Variants in KCNK2 observed in about 807,000 individuals in gnomAD.
The protein encoded by KCNK2 is potassium two pore domain channel subfamily K member 2, also known as potassium channel subfamily K member 2.
In KCNK2, 21 loss-of-function variants were observed where a neutral mutation model predicts 40.5. The ratio of observed to expected loss-of-function variants is 0.52; its 90% CI spans 0.37 to 0.75. KCNK2 has a LOEUF of 0.75. Ranked by LOEUF, KCNK2 falls within the 30% of genes least tolerant of loss-of-function variation. The probability of loss-of-function intolerance (pLI) is 0.00; values close to 1 mark genes in which losing one functional copy is unlikely to be tolerated. For missense variants in KCNK2, 399 were observed against 531.6 expected (o/e 0.75, Z 2.45); for synonymous variants, 191 against 202.2 (o/e 0.94, Z 0.47).
chr1:215,028,385 C>G (rs879603026), intron 1 of KCNK2, among the ~76,000 whole-genome samples: 5 of 151,346 alleles, frequency 3.3e-5, no homozygotes, highest in Non-Finnish European at 5.9e-5. Context: ...AACTCCATCT[C>G]AAAAAATAAA....
intron 6 of KCNK2, among the ~76,000 whole-genome samples, chr1:215,230,815 T>A (rs1666631766): frequency 6.6e-6 from 1 of 151,824 alleles, no homozygotes; most frequent in Non-Finnish European, 1.5e-5. Flanking sequence ...CTTTTATGAT[T>A]TGCAGAGTTT....
At chr1:215,097,552 A>G (rs1652534085) in intron 2 of KCNK2, among the ~76,000 whole-genome samples, 1 of 151,830 alleles carries the variant, frequency 6.6e-6, no homozygotes, top group Non-Finnish European at 1.5e-5. Context: ...GTCCTCTGCT[A>G]CCTTTGTGAG....
chr1:215,007,087 GTA>G (rs201749435), intron 1 of KCNK2, among the ~76,000 whole-genome samples: 10,307 of 118,892 alleles, frequency 0.087, 746 homozygotes, highest in Non-Finnish European at 0.096. Flanking sequence ...ATATATGTGT[GTA>G]TATATATATG....
chr1:215,204,410 A>G (rs1207190676), intron 6 of KCNK2, among the ~76,000 whole-genome samples: 1 of 152,070 alleles, frequency 6.6e-6, no homozygotes, highest in East Asian at 1.9e-4. Context: ...ATAATAGGAA[A>G]ATAAGTTAAT....
At chr1:215,126,075 A>G (rs1191762477) in intron 3 of KCNK2, among the ~76,000 whole-genome samples, 8 of 152,098 alleles carry the variant, frequency 5.3e-5, no homozygotes, top group Non-Finnish European at 1.2e-4. Context: ...TTTTGATGTC[A>G]TTCATAAATT....
chr1:215,037,961 T>C (rs892073667), intron 1 of KCNK2, among the ~76,000 whole-genome samples: 3 of 151,998 alleles, frequency 2.0e-5, no homozygotes, highest in Admixed American at 2.0e-4. Flanking sequence ...TCTTGAGATA[T>C]ACCTTAGGTG....
At chr1:215,195,721 A>G (rs1664836803) in intron 6 of KCNK2, among the ~76,000 whole-genome samples, 1 of 152,164 alleles carries the variant, frequency 6.6e-6, no homozygotes, top group South Asian at 2.1e-4. Flanking sequence ...AAATTTAAAT[A>G]TTGATTTTGA....
intron 1 of KCNK2, among the ~76,000 whole-genome samples, chr1:215,013,951 C>A (rs1234931573): frequency 6.6e-6 from 1 of 152,034 alleles, no homozygotes; most frequent in Non-Finnish European, 1.5e-5. Context: ...AGTACTATGC[C>A]AAATAGGAGT....
At chr1:215,182,285 G>T (rs965479732) in intron 5 of KCNK2, among the ~76,000 whole-genome samples, 1 of 152,156 alleles carries the variant, frequency 6.6e-6, no homozygotes, top group East Asian at 1.9e-4. Context: ...TGATCCAGTT[G>T]AGGAGGTGCT....
intron 3 of KCNK2, among the ~76,000 whole-genome samples, chr1:215,141,682 T>C (rs1662179059): frequency 6.6e-6 from 1 of 152,136 alleles, no homozygotes; most frequent in South Asian, 2.1e-4. Flanking sequence ...ATCACAACTT[T>C]TCCTACCACA....
At chr1:215,187,713 C>A (rs1303481338) in intron 5 of KCNK2, among the ~76,000 whole-genome samples, 1 of 151,794 alleles carries the variant, frequency 6.6e-6, no homozygotes, top group Non-Finnish European at 1.5e-5. Context: ...TTCATTTCCA[C>A]AGCTTGTTTA....
At chr1:215,069,199 T>G (rs890423574) in intron 1 of KCNK2, among the ~76,000 whole-genome samples, 2 of 152,178 alleles carry the variant, frequency 1.3e-5, no homozygotes, top group Non-Finnish European at 2.9e-5. Context: ...ACACCCCTAC[T>G]GTCTCCCTTT....
At chr1:215,095,598 G>A (rs537867415) in intron 2 of KCNK2, among the ~76,000 whole-genome samples, 22 of 152,168 alleles carry the variant, frequency 1.4e-4, no homozygotes, top group African/African-American at 4.8e-4. Flanking sequence ...TGACTCTAAC[G>A]CTTCTTTCCA....
intron 6 of KCNK2, among the ~76,000 whole-genome samples, chr1:215,230,519 ATATATATATATATG>A (rs1161093083): frequency 9.3e-5 from 7 of 74,892 alleles, no homozygotes; most frequent in Admixed American, 4.9e-4. Context: ...ATATATATAT[ATATATATATATATG>A]TATATATATA....
At chr1:215,024,560 A>G (rs143451411) in intron 1 of KCNK2, among the ~76,000 whole-genome samples, 1,538 of 152,266 alleles carry the variant, frequency 0.01, 25 homozygotes, top group South Asian at 0.074. Context: ...ATTTTGCCAT[A>G]ATTTTTTTTT....
intron 3 of KCNK2, among the ~76,000 whole-genome samples, chr1:215,145,495 T>C (rs1571662891): frequency 1.3e-5 from 2 of 152,282 alleles, no homozygotes; most frequent in South Asian, 4.1e-4. Context: ...GAATCAAAGA[T>C]AGCATGGATT....
chr1:215,113,132 G>A (rs1420557048), intron 2 of KCNK2, among the ~76,000 whole-genome samples: 1 of 152,126 alleles, frequency 6.6e-6, no homozygotes, highest in Non-Finnish European at 1.5e-5. Context: ...GACAAGGCCT[G>A]ATGACTATTT....
At chr1:215,206,893 T>G (rs1665334170) in intron 6 of KCNK2, among the ~76,000 whole-genome samples, 1 of 152,082 alleles carries the variant, frequency 6.6e-6, no homozygotes, top group African/African-American at 2.4e-5. Context: ...GAGCAGAAAA[T>G]AAAAACTCCA....
At position 215,230,068 on chromosome 1, in the gene KCNK2, G is replaced by GAT. The variant is rs1205925789; in HGVS notation, c.964-4751_964-4750dup. On this transcript the variant is annotated intron_variant, in intron 6 of 6. Coordinates refer to ENST00000444842, the MANE Select transcript of KCNK2 (RefSeq NM_001017425.3). Reference sequence around the variant, plus strand: ...ATATATACACACAGATATATATATAGATATATATATCTGTGTGTGTGTATA... The same window carrying GAT: ...ATATATACACACAGATATATATATAGATATATATATATCTGTGTGTGTGTATA... 2.2e-4 allele frequency among the ~76,000 whole-genome samples: 29 copies of GAT among 129,110 alleles called. 1 individual carries two copies. The East Asian group carries it at 4.0e-3, about 18-fold the overall frequency. 84.7% of individuals were successfully genotyped at this position (129,110 alleles called of 152,430 possible).
Sources: gnomAD v4.1 joint callset for allele counts (sites outside exome capture counted in the v4.1 genomes callset) on GRCh38, gnomAD v4.1.1 for gene constraint, MANE v1.5 for transcripts, NCBI Gene and HGNC (gene_info 2026-07-23, HGNC 2026-07-21) for gene names.